ARHGAP32: variants seen among roughly 807,000 people sequenced by gnomAD.
ARHGAP32 encodes rho GTPase-activating protein 32.
Under a neutral mutation model 186.5 loss-of-function variants are expected in ARHGAP32, and 51 were observed. The observed-to-expected ratio is 0.27, with a 90% CI of 0.22 to 0.35. The LOEUF (loss-of-function observed/expected upper bound fraction) is 0.35. Among genes scored for constraint, ARHGAP32 ranks in the 10% least tolerant of loss-of-function variants. The pLI, the probability that ARHGAP32 is intolerant of heterozygous loss-of-function variation, is 1.00. For missense variants in ARHGAP32, 2,186 were observed against 2,623.5 expected, an observed-to-expected ratio of 0.83 and a Z score of 3.64; for synonymous variants, 950 against 964.3, an observed-to-expected ratio of 0.99 and a Z score of 0.27.
chr11:128,970,180 T>G lies in ARHGAP32; in HGVS notation c.5033A>C (p.Asp1678Ala). Residue 1678 changes from aspartate to alanine, a missense_variant, in exon 23 of 23, where the codon GAT (aspartate) becomes GCT (alanine). Physicochemically the swap from Asp to Ala is moderately radical, Grantham distance 126. Transcript: ENST00000682385. This position sits in a 1 kb window ranked among gnomAD's most constrained non-coding sequence, Gnocchi z 5.8. Reference sequence around the variant, plus strand: ...GGCATCCACATCACACAGGGCCCCATCTGGACTGTAATAGGAACTAGAAGA... The same window carrying G: ...GGCATCCACATCACACAGGGCCCCAGCTGGACTGTAATAGGAACTAGAAGA... Reference protein sequence around the residue: ...SSSSSSYYSPDGALCDVDAYG... With the variant: ...SSSSSSYYSPAGALCDVDAYG... 6.2e-7 allele frequency: 1 copy of G among 1,614,184 alleles called. No homozygotes were observed. Among genetic ancestry groups the G allele is most frequent in the South Asian group, 1.1e-5 (1 of 91,080 alleles).
At chr11:129,266,494 T>C (rs1393647545) in intron 1 of ARHGAP32, among the ~76,000 whole-genome samples, 1 of 152,158 alleles carries the variant, frequency 6.6e-6, no homozygotes, top group Non-Finnish European at 1.5e-5. Context: ...CTGACAATCC[T>C]GGGAACTAAG....
intron 1 of ARHGAP32, among the ~76,000 whole-genome samples, chr11:129,235,849 A>G (rs1302296151): frequency 6.6e-6 from 1 of 151,654 alleles, no homozygotes; most frequent in East Asian, 1.9e-4. Flanking sequence ...ACAGAGAATA[A>G]TAGTCTCCAA....
chr11:129,064,048 G>A (rs1442586526), intron 8 of ARHGAP32, 24 bp from the exon 9 acceptor site: 4 of 1,586,158 alleles, frequency 2.5e-6, no homozygotes, highest in Non-Finnish European at 3.4e-6. Context: ...AATGTACTAT[G>A]AGATAAAGAC....
At chr11:129,252,748 A>G (rs1377802507) in intron 1 of ARHGAP32, among the ~76,000 whole-genome samples, 1 of 152,120 alleles carries the variant, frequency 6.6e-6, no homozygotes, top group Non-Finnish European at 1.5e-5. Flanking sequence ...TAAAAGAACC[A>G]CAGTCTCGGG....
intron 1 of ARHGAP32, among the ~76,000 whole-genome samples, chr11:129,188,551 T>C (rs1219225836): frequency 6.6e-6 from 1 of 152,182 alleles, no homozygotes; most frequent in Non-Finnish European, 1.5e-5. Context: ...TTCTAACTTG[T>C]GGCATCCTTC....
chr11:129,179,086 C>T (rs902401268), intron 1 of ARHGAP32, among the ~76,000 whole-genome samples: 7 of 151,224 alleles, frequency 4.6e-5, no homozygotes, highest in African/African-American at 1.7e-4. Flanking sequence ...TGAACTCAAA[C>T]AAATTTACAA....
At chr11:129,161,268 C>T (rs539562990) in intron 2 of ARHGAP32, among the ~76,000 whole-genome samples, 1 of 151,890 alleles carries the variant, frequency 6.6e-6, no homozygotes, top group South Asian at 2.1e-4. Flanking sequence ...ACTAAAACAC[C>T]AAAAGCAATA....
intron 1 of ARHGAP32, among the ~76,000 whole-genome samples, chr11:129,266,208 C>T (rs1945398565): frequency 6.6e-6 from 1 of 152,106 alleles, no homozygotes; most frequent in Admixed American, 6.5e-5. Flanking sequence ...CTAGTTTCAA[C>T]TGGCCTACTT....
intron 11 of ARHGAP32, among the ~76,000 whole-genome samples, chr11:129,026,243 T>A (rs1938842572): frequency 6.6e-6 from 1 of 152,174 alleles, no homozygotes; most frequent in Non-Finnish European, 1.5e-5. Flanking sequence ...CCAGGGGATC[T>A]CTCTGTACTA....
Position 128,980,648 on chromosome 11 carries a change from A to G in ARHGAP32, c.1881T>C (p.Ser627=). ...TATATTTATTTTCCGTCACAATTGG[A>G]GAATTGACCTGAGCTTGTGTTCGTG... ...AQARTQAQVN[S]PIVTENKYIE... is the part of the protein sequence containing the mutation. The change falls in exon 18 of 23, where the codon TCT becomes TCC. Residue 627 remains serine, a synonymous_variant. Transcript: ENST00000682385. 1 of 1,614,008 alleles carries G rather than the reference A, an allele frequency of 6.2e-7. No individual in the cohort carries two copies. Among genetic ancestry groups the G allele is most frequent in the East Asian group, 2.2e-5 (1 of 44,880 alleles).
chr11:129,104,356 A>G (rs1941990738), intron 5 of ARHGAP32, among the ~76,000 whole-genome samples: 1 of 152,148 alleles, frequency 6.6e-6, no homozygotes, highest in African/African-American at 2.4e-5. Flanking sequence ...CAACACTAAC[A>G]TGGAGGAAAG....
intron 2 of ARHGAP32, among the ~76,000 whole-genome samples, chr11:129,131,500 A>G (rs1444988392): frequency 6.6e-6 from 1 of 152,172 alleles, no homozygotes; most frequent in Non-Finnish European, 1.5e-5. Context: ...AAACCACCCA[A>G]AGAAAACAGG....
At chr11:129,129,598 G>C (rs778542608) in intron 2 of ARHGAP32, among the ~76,000 whole-genome samples, 1 of 152,252 alleles carries the variant, frequency 6.6e-6, no homozygotes, top group African/African-American at 2.4e-5. Context: ...AGAAAAGGGG[G>C]AAATATGGGG....
intron 2 of ARHGAP32, among the ~76,000 whole-genome samples, chr11:129,139,600 C>T (rs1341532308): frequency 6.6e-6 from 1 of 151,992 alleles, no homozygotes. Flanking sequence ...GTGCTGTTCT[C>T]GTTATAATGA....
chr11:129,271,709 A>G (rs923957701), intron 1 of ARHGAP32, among the ~76,000 whole-genome samples: 1 of 152,204 alleles, frequency 6.6e-6, no homozygotes, highest in Non-Finnish European at 1.5e-5. Flanking sequence ...GAAAGTAGAG[A>G]TAAACTGGCA....
intron 1 of ARHGAP32, among the ~76,000 whole-genome samples, chr11:129,253,726 GT>G (rs1336177882): frequency 6.6e-6 from 1 of 152,062 alleles, no homozygotes; most frequent in African/African-American, 2.4e-5. Context: ...TGGTTGGAAA[GT>G]TCTGTGGTAA....
intron 11 of ARHGAP32, among the ~76,000 whole-genome samples, chr11:129,030,219 T>C (rs1292025000): frequency 2.0e-5 from 3 of 152,160 alleles, no homozygotes; most frequent in African/African-American, 7.2e-5. Context: ...TGGACCTCTT[T>C]TAGTTGACAT....
chr11:129,241,210 A>G (rs1945012811), intron 1 of ARHGAP32, among the ~76,000 whole-genome samples: 1 of 152,246 alleles, frequency 6.6e-6, no homozygotes, highest in African/African-American at 2.4e-5. Flanking sequence ...TTTTAAAACA[A>G]AAAATATTTT....
At chr11:129,178,640 A>C (rs558458246) in intron 1 of ARHGAP32, among the ~76,000 whole-genome samples, 1 of 152,120 alleles carries the variant, frequency 6.6e-6, no homozygotes, top group Non-Finnish European at 1.5e-5. Context: ...ATAATGCCGC[A>C]TATCTACAAC....
Sources: gnomAD v4.1 joint callset for allele counts (sites outside exome capture counted in the v4.1 genomes callset) on GRCh38, gnomAD v4.1.1 for gene constraint, Gnocchi (gnomAD v3.1) non-coding constraint, MANE v1.5 for transcripts, NCBI Gene and HGNC (gene_info 2026-07-23, HGNC 2026-07-21) for gene names.